Variants in PLXNA2 observed in about 807,000 individuals in gnomAD.
PLXNA2 encodes the protein plexin-A2.
In PLXNA2, 91 loss-of-function variants were observed where a neutral mutation model predicts 193.5. That is an observed-to-expected ratio of 0.47 (90% CI 0.40 to 0.56). The LOEUF (loss-of-function observed/expected upper bound fraction) is 0.56. Among genes scored for constraint, PLXNA2 ranks in the 20% least tolerant of loss-of-function variants. PLXNA2 has a pLI of 0.00. For synonymous variants in PLXNA2, 997 were observed against 1,027.3 expected (o/e 0.97, Z 0.56); for missense variants, 1,995 against 2,503.2 (o/e 0.80, Z 4.33).
chr1:208,106,243 A>G (rs890709048), intron 4 of PLXNA2, among the ~76,000 whole-genome samples: 3 of 152,164 alleles, frequency 2.0e-5, no homozygotes, highest in Admixed American at 6.5e-5. Flanking sequence ...GGAGACCCTC[A>G]AAGTCAGATG....
rs898414256 is a variant in PLXNA2 at position 208,038,270 on chromosome 1, G to C, written c.4764+101C>G. 6.2e-6 allele frequency: 5 copies of C among 802,492 alleles called. No individual in the cohort carries two copies. The African/African-American group carries it at 8.4e-5, about 13-fold the overall frequency. 49.7% of individuals were successfully genotyped at this position (802,492 alleles called of 1,614,324 possible). A position where few individuals can be genotyped will look rare whatever the true frequency, so the allele number is the denominator to read the frequency against. ...GCTCCAGCAGGAGGAGGAAAGCAGGGAGAGGAAAATCCTTTTTAGACTTTT... is the reference window on the plus strand; with the variant it reads ...GCTCCAGCAGGAGGAGGAAAGCAGGCAGAGGAAAATCCTTTTTAGACTTTT... On this transcript the variant is annotated intron_variant, in intron 26 of 31. Coordinates refer to ENST00000367033, the MANE Select transcript of PLXNA2 (RefSeq NM_025179.4). This position sits in a 1 kb window ranked among gnomAD's most constrained non-coding sequence, Gnocchi z 4.1.
At chr1:208,161,682 A>T (rs1452440413) in intron 3 of PLXNA2, among the ~76,000 whole-genome samples, 1 of 152,086 alleles carries the variant, frequency 6.6e-6, no homozygotes, top group Admixed American at 6.5e-5. Flanking sequence ...AAAAATTGTT[A>T]TCTTCCTCCT....
intron 4 of PLXNA2, among the ~76,000 whole-genome samples, chr1:208,133,310 C>G (rs1668213898): frequency 6.6e-6 from 1 of 152,134 alleles, no homozygotes; most frequent in African/African-American, 2.4e-5. Context: ...TGTGATTTAT[C>G]TATACATCAT....
chr1:208,203,496 G>A (rs1670617732), intron 3 of PLXNA2, among the ~76,000 whole-genome samples: 4 of 152,234 alleles, frequency 2.6e-5, no homozygotes. Context: ...CATACTGAGA[G>A]ACAAGTGAAT....
At chr1:208,032,205 G>A (rs914096586) in intron 28 of PLXNA2, 1 of 908,690 alleles carries the variant, frequency 1.1e-6, no homozygotes, top group Non-Finnish European at 1.3e-6. Context: ...GGCTTAGGAT[G>A]TTAGTGACCT....
rs1356991976 is a variant in PLXNA2 at position 208,030,885 on chromosome 1, A to T, written c.5225+705T>A. On this transcript the variant is annotated intron_variant, in intron 29 of 31. Transcript: ENST00000367033. ...AGCTTGGTCTGTGGTCCAGGTTCAA[A>T]ACCCATGAGGATAAAGTCTCATACC... is the stretch of plus-strand genomic sequence containing the variant. The T allele has an allele frequency of 3.0e-6, 3 of 985,292 alleles. No homozygotes were observed. The African/African-American group carries it at 5.2e-5, about 17-fold the overall frequency. The allele number at this position is 985,292 out of a possible 1,614,324, so 61.0% of individuals were successfully genotyped here.
intron 4 of PLXNA2, among the ~76,000 whole-genome samples, chr1:208,114,459 C>T (rs1667578728): frequency 1.3e-5 from 2 of 152,226 alleles, no homozygotes; most frequent in Non-Finnish European, 2.9e-5. Flanking sequence ...CAGCTATGTA[C>T]ACAAGGAAGC....
At chr1:208,232,409 C>A (rs974119920) in intron 1 of PLXNA2, among the ~76,000 whole-genome samples, 1 of 152,242 alleles carries the variant, frequency 6.6e-6, no homozygotes, top group Non-Finnish European at 1.5e-5. Context: ...CCTGGCCCTG[C>A]TGCTCTTCAA....
intron 3 of PLXNA2, among the ~76,000 whole-genome samples, chr1:208,165,710 C>T (rs1450249773): frequency 6.6e-6 from 1 of 152,208 alleles, no homozygotes; most frequent in African/African-American, 2.4e-5. Context: ...TCCACTCCCT[C>T]AGGACCAGAA....
chr1:208,047,527 T>G (rs1337639881), intron 17 of PLXNA2, among the ~76,000 whole-genome samples: 1 of 152,188 alleles, frequency 6.6e-6, no homozygotes, highest in Non-Finnish European at 1.5e-5. Context: ...CACGTGGGGC[T>G]TGGGAAGAAA....
chr1:208,086,948 ACTCTCT>A (rs59683728), intron 9 of PLXNA2, among the ~76,000 whole-genome samples: 51,957 of 134,448 alleles, frequency 0.39, 9,868 homozygotes, highest in African/African-American at 0.43. Context: ...TCTCTCTCGC[ACTCTCT>A]CTCTCTCTCT....
intron 6 of PLXNA2, among the ~76,000 whole-genome samples, chr1:208,097,663 C>A (rs1666942953): frequency 6.6e-6 from 1 of 152,144 alleles, no homozygotes; most frequent in African/African-American, 2.4e-5. Flanking sequence ...TATTCAATGG[C>A]AAAATGCTGC....
At chr1:208,112,822 G>C (rs550135042) in intron 4 of PLXNA2, among the ~76,000 whole-genome samples, 1 of 152,102 alleles carries the variant, frequency 6.6e-6, no homozygotes, top group Non-Finnish European at 1.5e-5. Context: ...TAAGCTCAGC[G>C]TGCTAAGGAT....
At chr1:208,169,175 G>A (rs2102527718) in intron 3 of PLXNA2, among the ~76,000 whole-genome samples, 1 of 152,142 alleles carries the variant, frequency 6.6e-6, no homozygotes, top group East Asian at 1.9e-4. Flanking sequence ...TCCTCTGTGT[G>A]CCCCAGAGAG....
At chr1:208,162,230 G>A (rs994151953) in intron 3 of PLXNA2, among the ~76,000 whole-genome samples, 6 of 152,240 alleles carry the variant, frequency 3.9e-5, no homozygotes, top group African/African-American at 1.4e-4. Context: ...AAGGCTGAGG[G>A]TGATTGGAAA....
chr1:208,196,664 A>G (rs1670370648), intron 3 of PLXNA2, among the ~76,000 whole-genome samples: 2 of 152,368 alleles, frequency 1.3e-5, no homozygotes, highest in South Asian at 2.1e-4. Flanking sequence ...GAGAAACAGT[A>G]GAAACCATGG....
At chr1:208,131,242 T>C (rs1272454388) in intron 4 of PLXNA2, among the ~76,000 whole-genome samples, 1 of 152,178 alleles carries the variant, frequency 6.6e-6, no homozygotes, top group African/African-American at 2.4e-5. Flanking sequence ...TCCTGATGCA[T>C]GGTGCCGCTC....
chr1:208,078,416 C>G (rs1213864719), intron 12 of PLXNA2, among the ~76,000 whole-genome samples: 1 of 152,112 alleles, frequency 6.6e-6, no homozygotes, highest in Non-Finnish European at 1.5e-5. Context: ...GAAAATGAAG[C>G]AGGGAAAAGG....
rs1262281277 is a variant in PLXNA2, at chr1:208,217,396, T to G, written c.527A>C (p.Glu176Ala). The change falls in exon 2 of 32, where the codon GAG (glutamate) becomes GCG (alanine). Residue 176 changes from glutamate (E) to alanine (A), a missense_variant. Coordinates refer to ENST00000367033, the MANE Select transcript of PLXNA2 (RefSeq NM_025179.4). This position sits in a 1 kb window ranked among gnomAD's most constrained non-coding sequence, Gnocchi z 4.7. ...GATGAAGAGCTTGCCATCCTCACCC[T>G]CAGAGCGCACAATCACCCCGTACAT... ...GTMYGVIVRS[E>A]GEDGKLFIGT... is the part of the protein sequence containing the mutation. The G allele has an allele frequency of 4.3e-6, 7 of 1,614,032 alleles. No individual in the cohort carries two copies. Among genetic ancestry groups the G allele is most frequent in the Non-Finnish European group, 5.9e-6 (7 of 1,180,034 alleles).
Sources: allele counts gnomAD v4.1 joint callset (sites outside exome capture counted in the v4.1 genomes callset), GRCh38; gene constraint gnomAD v4.1.1; non-coding constraint Gnocchi (gnomAD v3.1); transcripts MANE v1.5; gene names NCBI Gene and HGNC (gene_info 2026-07-23, HGNC 2026-07-21).